Variants in CDH10 observed in about 807,000 individuals in gnomAD.
The protein encoded by CDH10 is cadherin 10, also known as cadherin-10.
A neutral mutation model predicts 73.1 loss-of-function variants in CDH10; 30 were observed. The observed-to-expected ratio is 0.41, with a 90% CI of 0.31 to 0.56. CDH10 has a LOEUF of 0.56. Ranked by LOEUF, CDH10 falls within the 20% of genes least tolerant of loss-of-function variation. The pLI is 0.27. For synonymous variants in CDH10, 345 were observed against 348.2 expected (o/e 0.99, Z 0.10); for missense variants, 815 against 973.7 (o/e 0.84, Z 2.17).
At chr5:24,530,832 T>C (rs1743714259) in intron 5 of CDH10, among the ~76,000 whole-genome samples, 1 of 152,110 alleles carries the variant, frequency 6.6e-6, no homozygotes, top group Non-Finnish European at 1.5e-5. Flanking sequence ...CTTTTAAGAA[T>C]TATACTAATG....
At position 24,634,542 on chromosome 5, in the gene CDH10, G is replaced by A. The variant is rs1399765321; in HGVS notation, c.-124+10052C>T. Among the ~76,000 whole-genome samples, 4 of 151,486 alleles carry A rather than the reference G, an allele frequency of 2.6e-5. No individual in the cohort carries two copies. In the East Asian group the frequency reaches 5.8e-4, roughly 22 times the overall value. Reference sequence around the variant, plus strand: ...TGAAAAAAAACAATCCTATAAAATGGCCACAGCATTTAATCAAGATGATAA... The same window carrying A: ...TGAAAAAAAACAATCCTATAAAATGACCACAGCATTTAATCAAGATGATAA... On this transcript the variant is annotated intron_variant, in intron 1 of 11. Coordinates refer to ENST00000264463, the MANE Select transcript of CDH10 (RefSeq NM_006727.5).
intron 2 of CDH10, among the ~76,000 whole-genome samples, chr5:24,563,910 A>C: frequency 6.6e-6 from 1 of 152,122 alleles, no homozygotes; most frequent in East Asian, 1.9e-4. Flanking sequence ...ATGGGTTGTA[A>C]CCCATCACTA....
At chr5:24,642,038 T>C (rs1462294937) in intron 1 of CDH10, among the ~76,000 whole-genome samples, 1 of 152,140 alleles carries the variant, frequency 6.6e-6, no homozygotes, top group Non-Finnish European at 1.5e-5. Flanking sequence ...AATCAGAATA[T>C]AATATGGCTA....
At chr5:24,594,998 C>A (rs1014804824) in intron 1 of CDH10, among the ~76,000 whole-genome samples, 3 of 151,726 alleles carry the variant, frequency 2.0e-5, no homozygotes, top group African/African-American at 7.3e-5. Context: ...CCATTACCTG[C>A]TATATGTTTT....
chr5:24,606,295 C>T (rs1174692138), intron 1 of CDH10, among the ~76,000 whole-genome samples: 1 of 152,070 alleles, frequency 6.6e-6, no homozygotes, highest in East Asian at 1.9e-4. Context: ...TCACAATGAG[C>T]TATCATCTAA....
At chr5:24,550,037 T>G (rs961989475) in intron 2 of CDH10, among the ~76,000 whole-genome samples, 1 of 152,118 alleles carries the variant, frequency 6.6e-6, no homozygotes, top group Non-Finnish European at 1.5e-5. Context: ...AGGAAAATGA[T>G]CCCAGATAAA....
chr5:24,488,721 AC>A (rs1156867292), intron 11 of CDH10, among the ~76,000 whole-genome samples: 2 of 152,048 alleles, frequency 1.3e-5, no homozygotes, highest in Non-Finnish European at 2.9e-5. Context: ...TGGAAAAAAA[AC>A]AGATTAGTTA....
chr5:24,501,443 G>C (rs887251719), intron 8 of CDH10, among the ~76,000 whole-genome samples: 3 of 152,140 alleles, frequency 2.0e-5, no homozygotes, highest in Admixed American at 1.3e-4. Flanking sequence ...GTATAAATAA[G>C]AGTATAAAGT....
At chr5:24,604,871 T>TCAAAAAAAAA (rs1453322652) in intron 1 of CDH10, among the ~76,000 whole-genome samples, 13 of 116,318 alleles carry the variant, frequency 1.1e-4, no homozygotes, top group African/African-American at 2.7e-4. Context: ...AAGATGTCTC[T>TCAAAAAAAAA]AAAAAAAAAA....
intron 1 of CDH10, among the ~76,000 whole-genome samples, chr5:24,603,121 T>C (rs1170880246): frequency 6.6e-6 from 1 of 152,138 alleles, no homozygotes; most frequent in Admixed American, 6.5e-5. Context: ...ACAGCTGTGA[T>C]ATATCAAGAG....
chr5:24,519,966 C>T (rs1288542006), intron 5 of CDH10, among the ~76,000 whole-genome samples: 1 of 152,166 alleles, frequency 6.6e-6, no homozygotes, highest in Non-Finnish European at 1.5e-5. Flanking sequence ...GTAGCTGTAT[C>T]ACTACCATTG....
chr5:24,500,206 G>T (rs544013404), intron 8 of CDH10, among the ~76,000 whole-genome samples: 2 of 152,162 alleles, frequency 1.3e-5, no homozygotes, highest in African/African-American at 4.8e-5. Context: ...ATATCCCCTT[G>T]TTCTCTCCAT....
intron 9 of CDH10, among the ~76,000 whole-genome samples, chr5:24,495,363 G>A (rs1480209919): frequency 6.6e-6 from 1 of 152,034 alleles, no homozygotes; most frequent in Non-Finnish European, 1.5e-5. Flanking sequence ...GTCTTCACTG[G>A]GCTGTTCTAA....
chr5:24,623,092 C>T (rs879526011), intron 1 of CDH10, among the ~76,000 whole-genome samples: 2 of 152,098 alleles, frequency 1.3e-5, no homozygotes, highest in Non-Finnish European at 2.9e-5. Flanking sequence ...AGAATTATTT[C>T]ACATTTCCTT....
intron 2 of CDH10, among the ~76,000 whole-genome samples, chr5:24,543,107 T>A (rs145427241): frequency 6.6e-6 from 1 of 152,158 alleles, no homozygotes; most frequent in African/African-American, 2.4e-5. Flanking sequence ...ACAGATAAAA[T>A]ATTTTACTTT....
chr5:24,584,896 G>C (rs1173396456), intron 2 of CDH10, among the ~76,000 whole-genome samples: 1 of 151,544 alleles, frequency 6.6e-6, no homozygotes, highest in Non-Finnish European at 1.5e-5. Flanking sequence ...ATCCAGGCTG[G>C]AGTGCAGTGG....
chr5:24,573,391 T>C (rs984418390), intron 2 of CDH10, among the ~76,000 whole-genome samples: 1 of 151,584 alleles, frequency 6.6e-6, no homozygotes, highest in Admixed American at 6.6e-5. Context: ...ACCAGAATAA[T>C]GAGGAAAGAA....
At chr5:24,560,477 C>G (rs1363237096) in intron 2 of CDH10, among the ~76,000 whole-genome samples, 4 of 53,898 alleles carry the variant, frequency 7.4e-5, no homozygotes, top group African/African-American at 2.7e-4. Context: ...TTGATAGAAA[C>G]TATTGTGTTT....
chr5:24,511,783 G>T (rs1742922112), intron 5 of CDH10, among the ~76,000 whole-genome samples: 2 of 152,122 alleles, frequency 1.3e-5, no homozygotes, highest in Non-Finnish European at 2.9e-5. Flanking sequence ...ACAAATTCTG[G>T]TTTAAAAATG....
Sources: gnomAD v4.1 joint callset for allele counts (sites outside exome capture counted in the v4.1 genomes callset) on GRCh38, gnomAD v4.1.1 for gene constraint, MANE v1.5 for transcripts, NCBI Gene and HGNC (gene_info 2026-07-23, HGNC 2026-07-21) for gene names.